Variants in NXPH2 observed in about 807,000 individuals in gnomAD.
NXPH2 encodes neurexophilin 2.
A neutral mutation model predicts 19.8 loss-of-function variants in NXPH2; 5 were observed. That is an observed-to-expected ratio of 0.25 (90% CI 0.13 to 0.53). NXPH2 has a LOEUF of 0.53. NXPH2 is among the 20% of genes least tolerant of loss of function. The pLI is 0.96. For missense variants in NXPH2, 289 were observed against 322.8 expected, an observed-to-expected ratio of 0.90 and a Z score of 0.80; for synonymous variants, 154 against 127.4, an observed-to-expected ratio of 1.21 and a Z score of -1.41.
At chr2:138,740,611 T>C (rs1042334313) in intron 1 of NXPH2, among the ~76,000 whole-genome samples, 19 of 152,190 alleles carry the variant, frequency 1.2e-4, no homozygotes, top group African/African-American at 4.6e-4. Flanking sequence ...TATAATTATA[T>C]GAAGGCAATT....
At chr2:138,731,899 A>G (rs552678119) in intron 1 of NXPH2, among the ~76,000 whole-genome samples, 1 of 152,284 alleles carries the variant, frequency 6.6e-6, no homozygotes, top group East Asian at 1.9e-4. Context: ...AGTGGTTTCT[A>G]GCAGATTCTG....
chr2:138,714,251 C>T (rs1235298225), intron 1 of NXPH2, among the ~76,000 whole-genome samples: 4 of 152,262 alleles, frequency 2.6e-5, no homozygotes, highest in Non-Finnish European at 5.9e-5. Flanking sequence ...CAAATAAAAT[C>T]TCAGCATAAG....
At chr2:138,694,264 A>G (rs1680794104) in intron 1 of NXPH2, among the ~76,000 whole-genome samples, 1 of 152,178 alleles carries the variant, frequency 6.6e-6, no homozygotes, top group Non-Finnish European at 1.5e-5. Context: ...AATTAACTCT[A>G]AATTTTTATT....
At chr2:138,719,970 A>G (rs1368952398) in intron 1 of NXPH2, among the ~76,000 whole-genome samples, 3 of 152,170 alleles carry the variant, frequency 2.0e-5, no homozygotes, top group Non-Finnish European at 1.5e-5. Context: ...ATTTCAATAT[A>G]TGGTACTACA....
At chr2:138,731,287 GA>G (rs781169146) in intron 1 of NXPH2, among the ~76,000 whole-genome samples, 7 of 151,908 alleles carry the variant, frequency 4.6e-5, no homozygotes, top group Non-Finnish European at 8.8e-5. Flanking sequence ...GTTCTTGTTA[GA>G]AAAAAATCAC....
chr2:138,689,025 C>T (rs930213904), intron 1 of NXPH2, among the ~76,000 whole-genome samples: 1 of 152,314 alleles, frequency 6.6e-6, no homozygotes, highest in South Asian at 2.1e-4. Flanking sequence ...CCACTAAGCT[C>T]CAATGCCATT....
chr2:138,686,797 C>T (rs1406496812), intron 1 of NXPH2, among the ~76,000 whole-genome samples: 6 of 152,006 alleles, frequency 3.9e-5, no homozygotes, highest in African/African-American at 7.2e-5. Context: ...TGAGAATATG[C>T]GGTGTTTGTT....
chr2:138,760,237 C>T (rs562819726), intron 1 of NXPH2, among the ~76,000 whole-genome samples: 35 of 152,190 alleles, frequency 2.3e-4, no homozygotes, highest in African/African-American at 8.4e-4. Context: ...AAATAGGCTA[C>T]CTCCCGCCAA....
chr2:138,716,216 A>G (rs1191924527), intron 1 of NXPH2, among the ~76,000 whole-genome samples: 2 of 152,154 alleles, frequency 1.3e-5, no homozygotes, highest in African/African-American at 4.8e-5. Flanking sequence ...ATATGGATAT[A>G]TCTTTTTATT....
chr2:138,678,031 A>T (rs1378207312), intron 1 of NXPH2, among the ~76,000 whole-genome samples: 1 of 152,088 alleles, frequency 6.6e-6, no homozygotes, highest in Non-Finnish European at 1.5e-5. Flanking sequence ...AATGTCTTTT[A>T]TTTGCTCCAG....
intron 1 of NXPH2, among the ~76,000 whole-genome samples, chr2:138,724,656 A>G (rs1008550952): frequency 1.3e-5 from 2 of 152,228 alleles, no homozygotes; most frequent in Admixed American, 6.5e-5. Flanking sequence ...AGCTCATAAC[A>G]TATGACTGCT....
At chr2:138,703,433 TC>T (rs1680961597) in intron 1 of NXPH2, among the ~76,000 whole-genome samples, 1 of 152,082 alleles carries the variant, frequency 6.6e-6, no homozygotes. Flanking sequence ...AAATAATAAG[TC>T]CCCAGGGCCT....
intron 1 of NXPH2, among the ~76,000 whole-genome samples, chr2:138,724,141 T>A (rs1681321156): frequency 6.6e-6 from 1 of 152,176 alleles, no homozygotes; most frequent in South Asian, 2.1e-4. Flanking sequence ...CCTCTATGTG[T>A]CCATGTGTTC....
chr2:138,755,351 G>T (rs929766404), intron 1 of NXPH2, among the ~76,000 whole-genome samples: 4 of 151,966 alleles, frequency 2.6e-5, no homozygotes, highest in African/African-American at 9.7e-5. Context: ...TGCTGTGAAA[G>T]GTGTAAGTTT....
intron 1 of NXPH2, among the ~76,000 whole-genome samples, chr2:138,706,157 T>C (rs1329475037): frequency 6.6e-6 from 1 of 152,238 alleles, no homozygotes; most frequent in African/African-American, 2.4e-5. Flanking sequence ...AATAAAAAGA[T>C]AACAAATATT....
intron 1 of NXPH2, among the ~76,000 whole-genome samples, chr2:138,700,761 G>A (rs913409972): frequency 1.3e-5 from 2 of 151,938 alleles, no homozygotes; most frequent in Non-Finnish European, 2.9e-5. Flanking sequence ...TTTCTTGGAT[G>A]CCTGAGAGAT....
intron 1 of NXPH2, among the ~76,000 whole-genome samples, chr2:138,694,920 C>A (rs2104978274): frequency 6.6e-6 from 1 of 152,140 alleles, no homozygotes; most frequent in East Asian, 1.9e-4. Context: ...ACTACATACA[C>A]CTAGATGTAT....
intron 1 of NXPH2, among the ~76,000 whole-genome samples, chr2:138,735,673 T>A (rs1207058286): frequency 6.6e-6 from 1 of 152,152 alleles, no homozygotes; most frequent in Non-Finnish European, 1.5e-5. Context: ...ACCAATCATG[T>A]CTTCCCAAAA....
In NXPH2 at chr2:138,671,440, G is replaced by T; in HGVS notation, c.277C>A (p.Pro93Thr). Residue 93 changes from proline (P) to threonine (T), a missense_variant, in exon 2 of 2, where the codon CCA becomes ACA. By Grantham distance (38) the Pro-to-Thr change is conservative (BLOSUM62 -1). Transcript: ENST00000272641. The part of the protein sequence containing the change: ...WLANITEIQE[P>T]LARTKRRPIV... ...GGCCTCCGTTTAGTTCTTGCCAATG[G>T]CTCCTGAATCTCCGTGATGTTGGCC... The T allele has an allele frequency of 1.2e-6, 2 of 1,613,860 alleles. No individual in the cohort carries two copies. Among genetic ancestry groups the T allele is most frequent in the Non-Finnish European group, 1.7e-6 (2 of 1,179,808 alleles).
Sources: allele counts gnomAD v4.1 joint callset (sites outside exome capture counted in the v4.1 genomes callset), GRCh38; gene constraint gnomAD v4.1.1; transcripts MANE v1.5; gene names NCBI Gene and HGNC (gene_info 2026-07-23, HGNC 2026-07-21).